ZNF710: variants seen among roughly 807,000 people sequenced by gnomAD.
The protein encoded by ZNF710 is zinc finger protein 710.
ZNF710 carries 13 observed loss-of-function variants against 50.6 expected under a neutral mutation model. That is an observed-to-expected ratio of 0.26 (90% CI 0.17 to 0.41). ZNF710 has a LOEUF of 0.41. ZNF710 is among the 10% of genes least tolerant of loss of function. The pLI is 1.00. For missense variants in ZNF710, 721 were observed against 936.6 expected (o/e 0.77, Z 3.01); for synonymous variants, 383 against 397.0 (o/e 0.96, Z 0.42).
upstream of ZNF710, among the ~76,000 whole-genome samples, chr15:89,999,353 G>A: frequency 6.6e-6 from 1 of 152,240 alleles, no homozygotes; most frequent in East Asian, 1.9e-4. Flanking sequence ...CACCTTCGCC[G>A]GCACGGGGTA....
chr15:90,065,098 T>C (rs1784990495), intron 1 of ZNF710, among the ~76,000 whole-genome samples: 1 of 152,202 alleles, frequency 6.6e-6, no homozygotes, highest in African/African-American at 2.4e-5. Context: ...GGTTTCCTTC[T>C]ATCTGATCCC....
At chr15:90,009,993 T>C (rs1898256218) in intron 1 of ZNF710, among the ~76,000 whole-genome samples, 1 of 152,202 alleles carries the variant, frequency 6.6e-6, no homozygotes, top group Non-Finnish European at 1.5e-5. Context: ...AATAGTCTTC[T>C]CCACCTTGGG....
intron 1 of ZNF710, among the ~76,000 whole-genome samples, chr15:90,066,267 G>A (rs1012468857): frequency 6.6e-5 from 10 of 151,902 alleles, no homozygotes; most frequent in South Asian, 4.2e-4. Context: ...TCATACAGCC[G>A]AGCCATTACC....
At chr15:90,039,535 G>A (rs1241896902) in intron 1 of ZNF710, among the ~76,000 whole-genome samples, 1 of 152,176 alleles carries the variant, frequency 6.6e-6, no homozygotes, top group East Asian at 1.9e-4. Flanking sequence ...TCCAATACGT[G>A]CTTGGCTGAG....
At chr15:90,051,736 C>G (rs554138624) in intron 1 of ZNF710, among the ~76,000 whole-genome samples, 1 of 152,310 alleles carries the variant, frequency 6.6e-6, no homozygotes, top group African/African-American at 2.4e-5. Flanking sequence ...GTGAATCACT[C>G]AACTCCTGTG....
intron 1 of ZNF710, among the ~76,000 whole-genome samples, chr15:90,003,058 G>C (rs946908853): frequency 1.3e-5 from 2 of 152,114 alleles, no homozygotes; most frequent in African/African-American, 4.8e-5. Context: ...TTATTTTTAG[G>C]AGAGACGGGG....
intron 2 of ZNF710, among the ~76,000 whole-genome samples, chr15:90,071,207 G>A (rs932633900): frequency 2.0e-5 from 3 of 150,972 alleles, no homozygotes; most frequent in Non-Finnish European, 2.9e-5. Context: ...GTTGCAGTGA[G>A]CCAAGACCGT....
chr15:90,034,812 G>T lies in ZNF710; in HGVS notation c.-28-32298G>T, dbSNP rs1007836389. Among the ~76,000 whole-genome samples the T allele has an allele frequency of 6.6e-6, 1 of 152,236 alleles. No homozygotes were observed. Among genetic ancestry groups the T allele is most frequent in the South Asian group, 2.1e-4 (1 of 4,834 alleles). ...CATTTCCTTTGCACACCTGGCGCCTGTTGGGGACTTAGACCTCTTCCACAT... is the reference window on the plus strand; with the variant it reads ...CATTTCCTTTGCACACCTGGCGCCTTTTGGGGACTTAGACCTCTTCCACAT... On this transcript the variant is annotated intron_variant, in intron 1 of 4. Transcript: ENST00000268154. The surrounding 1 kb of genome is among the most constrained non-coding windows in gnomAD (Gnocchi z 4.0).
chr15:90,014,538 A>AT (rs1452205852), intron 1 of ZNF710, among the ~76,000 whole-genome samples: 9 of 151,236 alleles, frequency 6.0e-5, no homozygotes, highest in Admixed American at 3.3e-4. Flanking sequence ...AAAAGATGGC[A>AT]TTTAAAAAAT....
At chr15:90,076,822 A>C (rs997009972) in intron 4 of ZNF710, among the ~76,000 whole-genome samples, 2 of 151,862 alleles carry the variant, frequency 1.3e-5, no homozygotes, top group Non-Finnish European at 2.9e-5. Flanking sequence ...CCACCACCCA[A>C]ACAAGATTTT....
chr15:90,036,073 C>T (rs1447023837), intron 1 of ZNF710, among the ~76,000 whole-genome samples: 2 of 152,196 alleles, frequency 1.3e-5, no homozygotes, highest in Non-Finnish European at 2.9e-5. Context: ...GCCCCACAAG[C>T]AGCTTTCTCA....
chr15:90,071,677 C>CTTTTTTTTTTTTTTTTTTTTTTTTTTT (rs201729973), intron 2 of ZNF710, among the ~76,000 whole-genome samples: 1 of 127,260 alleles, frequency 7.9e-6, no homozygotes, highest in African/African-American at 2.9e-5. Flanking sequence ...TTTATTTTTA[C>CTTTTTTTTTTTTTTTTTTTTTTTTTTT]TCTTTTTTTT....
chr15:90,038,187 G>A (rs1263640453), intron 1 of ZNF710, among the ~76,000 whole-genome samples: 1 of 152,188 alleles, frequency 6.6e-6, no homozygotes, highest in East Asian at 1.9e-4. Context: ...ACTGTAGCAG[G>A]CCCCTCTCTC....
chr15:90,009,124 C>A (rs1042267501), intron 1 of ZNF710, among the ~76,000 whole-genome samples: 6 of 151,336 alleles, frequency 4.0e-5, no homozygotes, highest in African/African-American at 1.5e-4. Context: ...CTGGATGGTA[C>A]CTGAAATGCC....
chr15:90,008,769 CAA>C (rs932275434), intron 1 of ZNF710, among the ~76,000 whole-genome samples: 2 of 134,596 alleles, frequency 1.5e-5, no homozygotes, highest in African/African-American at 2.7e-5. Flanking sequence ...AACCCTGTCT[CAA>C]AAAAAAAAAG....
chr15:90,020,686 A>G (rs568794937), intron 1 of ZNF710, among the ~76,000 whole-genome samples: 10 of 152,278 alleles, frequency 6.6e-5, no homozygotes, highest in Non-Finnish European at 1.2e-4. Flanking sequence ...AAATTTTAAT[A>G]TGCTCTTCCT....
chr15:90,074,091 A>G, intron 3 of ZNF710, 25 bp from the exon 4 acceptor site: 1 of 1,596,172 alleles, frequency 6.3e-7, no homozygotes, highest in Non-Finnish European at 8.5e-7. Context: ...CCACAGGCTC[A>G]GGACACCGGG....
chr15:90,065,788 T>C (rs1444622022), intron 1 of ZNF710, among the ~76,000 whole-genome samples: 1 of 152,146 alleles, frequency 6.6e-6, no homozygotes, highest in Middle Eastern at 3.2e-3. Flanking sequence ...ATGTCTATAA[T>C]CCTAGCATTT....
intron 1 of ZNF710, among the ~76,000 whole-genome samples, chr15:90,046,112 C>T (rs1323498388): frequency 6.6e-6 from 1 of 152,148 alleles, no homozygotes; most frequent in Admixed American, 6.5e-5. Context: ...CAGAAGGAAG[C>T]TACCTCTGGG....
Sources: gnomAD v4.1 joint callset for allele counts (sites outside exome capture counted in the v4.1 genomes callset) on GRCh38, gnomAD v4.1.1 for gene constraint, Gnocchi (gnomAD v3.1) non-coding constraint, MANE v1.5 for transcripts, NCBI Gene and HGNC (gene_info 2026-07-23, HGNC 2026-07-21) for gene names.